The following SHROOM4 variants were observed in gnomAD, a reference collection of about 807,000 sequenced individuals.
SHROOM4 encodes protein Shroom4.
Under a neutral mutation model 80.3 loss-of-function variants are expected in SHROOM4, and 17 were observed. The ratio of observed to expected loss-of-function variants is 0.21; its 90% CI spans 0.14 to 0.32. The LOEUF (loss-of-function observed/expected upper bound fraction) is 0.32. Ranked by LOEUF, SHROOM4 falls within the 10% of genes least tolerant of loss-of-function variation. The pLI is 1.00. For synonymous variants in SHROOM4, 400 were observed against 437.5 expected (o/e 0.91, Z 1.07); for missense variants, 993 against 1,140.3 (o/e 0.87, Z 1.86).
At chrX:50,748,960 C>T (rs1418067352) in intron 1 of SHROOM4, among the ~76,000 whole-genome samples, 1 of 112,540 alleles carries the variant, frequency 8.9e-6, no homozygotes, top group East Asian at 2.8e-4. Context: ...CCTGTAATCC[C>T]AGCACTTTGG....
In SHROOM4 at chrX:50,684,376, C is replaced by A. The variant is rs148645278; in HGVS notation, c.269+11410G>T. 1.9e-3 allele frequency among the ~76,000 whole-genome samples: 211 copies of A among 111,156 alleles called. 1 individual carries two copies. Among genetic ancestry groups the A allele is most frequent in the African/African-American group, 5.9e-3 (182 of 30,621 alleles). On this transcript the variant is annotated intron_variant, in intron 2 of 8. Coordinates refer to ENST00000376020, the MANE Select transcript of SHROOM4 (RefSeq NM_020717.5). ...GAAGCTAGGAAGAATCAAGGAAGGA[C>A]CCTCCCTTAGAGCCTTCAGAGAGAG...
At chrX:50,608,486 C>T (rs1929802583) in intron 5 of SHROOM4, among the ~76,000 whole-genome samples, 1 of 111,026 alleles carries the variant, frequency 9.0e-6, no homozygotes, top group Admixed American at 9.6e-5. Flanking sequence ...AGGCATAGAG[C>T]ATTTAAGTAA....
intron 3 of SHROOM4, 107 bp from the exon 4 acceptor site, chrX:50,635,775 T>C: frequency 3.3e-6 from 2 of 602,059 alleles, no homozygotes; most frequent in African/African-American, 2.9e-5. Context: ...GAGAGGAGGG[T>C]AGGCAAAAAA....
chrX:50,803,563 G>A (rs1936170524), intron 1 of SHROOM4, among the ~76,000 whole-genome samples: 4 of 111,405 alleles, frequency 3.6e-5, no homozygotes, highest in Admixed American at 2.9e-4. Context: ...TATCCCTCAA[G>A]GCCTAGCTCC....
At chrX:50,705,726 C>G (rs1933652796) in intron 1 of SHROOM4, among the ~76,000 whole-genome samples, 2 of 109,757 alleles carry the variant, frequency 1.8e-5, no homozygotes, top group African/African-American at 6.6e-5. Context: ...CTCTCCCTGC[C>G]CTGCCAACAA....
In SHROOM4 at chrX:50,608,151, C is replaced by T. The variant is rs1311907282; in HGVS notation, c.2991G>A (p.Trp997Ter). 8.3e-7 allele frequency: 1 copy of T among 1,209,675 alleles called. No homozygotes were observed. The highest frequency in any genetic ancestry group is 1.8e-5 in the African/African-American group (1 of 57,083). ...CAAGGCAAGGATGGAAAGGGGTTGC[C>T]CATGAAAAGCTAGTCTTGGAATGAG... ...EMAHSKTSFS[W>*]ATPFHPCLEN... is the part of the protein sequence containing the mutation. The change falls in exon 6 of 9, where the codon TGG becomes TGA. Residue 997 changes from tryptophan to a stop codon, truncating the protein, a stop_gained. Transcript: ENST00000376020. LOFTEE classifies it high-confidence loss of function.
intron 5 of SHROOM4, among the ~76,000 whole-genome samples, chrX:50,618,545 G>A (rs1307695117): frequency 1.8e-5 from 2 of 109,042 alleles, no homozygotes; most frequent in Non-Finnish European, 3.8e-5. Context: ...GTGCCACCAT[G>A]CCTAGCTAAT....
At chrX:50,586,675 A>G (rs1249709845), downstream of SHROOM4, among the ~76,000 whole-genome samples, 1 of 112,017 alleles carries the variant, frequency 8.9e-6, no homozygotes, top group African/African-American at 3.2e-5. Context: ...CTCTATCAAG[A>G]GTGGAATTCA....
At chrX:50,795,408 T>C (rs1205833813) in intron 1 of SHROOM4, among the ~76,000 whole-genome samples, 1 of 108,679 alleles carries the variant, frequency 9.2e-6, no homozygotes, top group African/African-American at 3.4e-5. Flanking sequence ...TGGAACAGAT[T>C]TGGGGTTAAA....
intron 2 of SHROOM4, among the ~76,000 whole-genome samples, chrX:50,656,076 C>T (rs782624294): frequency 6.3e-5 from 7 of 111,700 alleles, no homozygotes; most frequent in Non-Finnish European, 9.4e-5. Flanking sequence ...AATGTCTCTT[C>T]AGATCTTTGG....
intron 5 of SHROOM4, among the ~76,000 whole-genome samples, chrX:50,621,645 G>A (rs782158228): frequency 1.2e-3 from 137 of 111,478 alleles, no homozygotes; most frequent in African/African-American, 4.0e-3. Context: ...AATAAGTTTC[G>A]TGTGCCTGGC....
chrX:50,751,913 A>T (rs1296286545), intron 1 of SHROOM4, among the ~76,000 whole-genome samples: 1 of 111,828 alleles, frequency 8.9e-6, no homozygotes. Flanking sequence ...CCTCATCTAT[A>T]AAGTGGGTAA....
In SHROOM4 at chrX:50,596,762, ATCT is replaced by A; in HGVS notation, c.4412_4414del (p.Lys1471del). The A allele has an allele frequency of 8.3e-7, 1 of 1,211,888 alleles. No homozygotes were observed. Among genetic ancestry groups the A allele is most frequent in the Non-Finnish European group, 1.1e-6 (1 of 895,554 alleles). On this transcript the variant is annotated inframe_deletion, in exon 9 of 9. Coordinates refer to ENST00000376020, the MANE Select transcript of SHROOM4 (RefSeq NM_020717.5). ...TTTGAGTTGCTCTTCCCCGAGCTTG[ATCT>A]TCTCCTCCAGCTCTCGCTGTTCAAT...
chrX:50,582,261 C>T (rs1023526149), downstream of SHROOM4, among the ~76,000 whole-genome samples: 2 of 111,815 alleles, frequency 1.8e-5, no homozygotes, highest in Non-Finnish European at 3.8e-5. Flanking sequence ...CCTGTCAAGC[C>T]TCTAAATGAG....
chrX:50,682,627 C>A (rs1932967857), intron 2 of SHROOM4, among the ~76,000 whole-genome samples: 1 of 111,641 alleles, frequency 9.0e-6, no homozygotes, highest in African/African-American at 3.3e-5. Context: ...GGGATATCAA[C>A]CCTAACACTT....
chrX:50,718,369 A>G (rs1487718359), intron 1 of SHROOM4, among the ~76,000 whole-genome samples: 2 of 111,646 alleles, frequency 1.8e-5, no homozygotes, highest in African/African-American at 3.3e-5. Flanking sequence ...ACAAAGCAGA[A>G]TAGATGCAGG....
intron 1 of SHROOM4, among the ~76,000 whole-genome samples, chrX:50,714,393 T>C (rs189159302): frequency 1.1e-4 from 12 of 111,000 alleles, no homozygotes; most frequent in Middle Eastern, 9.2e-3. Context: ...ATGGACAATA[T>C]ATTGTATATT....
chrX:50,730,587 C>T (rs1934345305), intron 1 of SHROOM4, among the ~76,000 whole-genome samples: 1 of 110,497 alleles, frequency 9.1e-6, no homozygotes, highest in African/African-American at 3.3e-5. Context: ...AACAGCCTGG[C>T]CAACATGGCA....
At chrX:50,697,354 A>ATC (rs1179996401) in intron 1 of SHROOM4, among the ~76,000 whole-genome samples, 2 of 111,184 alleles carry the variant, frequency 1.8e-5, no homozygotes, top group African/African-American at 3.3e-5. Flanking sequence ...TCTTGTTCCA[A>ATC]TCTCTCTCTC....
Sources: gnomAD v4.1 joint callset for allele counts (sites outside exome capture counted in the v4.1 genomes callset) on GRCh38, gnomAD v4.1.1 for gene constraint, MANE v1.5 for transcripts, NCBI Gene and HGNC (gene_info 2026-07-23, HGNC 2026-07-21) for gene names.